Variants in GNA13 observed in about 807,000 individuals in gnomAD.
GNA13 encodes the protein guanine nucleotide-binding protein subunit alpha-13.
A neutral mutation model predicts 33.5 loss-of-function variants in GNA13; 4 were observed. That is an observed-to-expected ratio of 0.12 (90% CI 0.06 to 0.27). The LOEUF (loss-of-function observed/expected upper bound fraction) is 0.27, where lower values mean the gene tolerates loss of function less well. Among genes scored for constraint, GNA13 ranks in the 10% least tolerant of loss-of-function variants. The probability of loss-of-function intolerance (pLI) is 1.00; values close to 1 mark genes in which losing one functional copy is unlikely to be tolerated. For missense variants in GNA13, 319 were observed against 487.2 expected, an observed-to-expected ratio of 0.65 and a Z score of 3.25; for synonymous variants, 176 against 183.8, an observed-to-expected ratio of 0.96 and a Z score of 0.34.
rs1906237663 is a variant in GNA13, at chr17:65,012,700, C to T, written c.*1557G>A. 1 of 228,930 alleles carries T rather than the reference C, an allele frequency of 4.4e-6. No individual in the cohort carries two copies. Among genetic ancestry groups the T allele is most frequent in the Admixed American group, 5.7e-5 (1 of 17,656 alleles). The allele number at this position is 228,930 out of a possible 1,614,324, so 14.2% of individuals were successfully genotyped here. A position where few individuals can be genotyped will look rare whatever the true frequency, so the allele number is the denominator to read the frequency against. ...AACAACAGCCACTGACTTGGAAAGG[C>T]TGGGTGATCCATAACGACCAATCTT... On this transcript the variant is annotated 3_prime_UTR_variant, in exon 4 of 4. Coordinates refer to ENST00000439174, the MANE Select transcript of GNA13 (RefSeq NM_006572.6).
At position 65,056,630 on chromosome 17, in the gene GNA13, G is replaced by A. The variant is rs751910207; in HGVS notation, c.-37C>T. ...CGCCGCCGCCTCGGCGGGCCCCTCC[G>A]GCTCCCTCCACCTCCTCCTCCGGCG... On this transcript the variant is annotated 5_prime_UTR_variant, in exon 1 of 4. Transcript: ENST00000439174. 3.8e-6 allele frequency: 6 copies of A among 1,579,236 alleles called. No individual in the cohort carries two copies. In the African/African-American group the frequency reaches 5.4e-5, roughly 14 times the overall value.
chr17:65,023,444 T>G (rs1008012838), intron 2 of GNA13, among the ~76,000 whole-genome samples: 1 of 152,230 alleles, frequency 6.6e-6, no homozygotes, highest in African/African-American at 2.4e-5. Context: ...GGGATGGAAC[T>G]GATTTCTTTT....
chr17:65,039,088 G>A (rs898013309), intron 2 of GNA13, among the ~76,000 whole-genome samples: 7 of 152,170 alleles, frequency 4.6e-5, no homozygotes, highest in African/African-American at 1.7e-4. Context: ...CCTGTGATTT[G>A]AGTAAATAGC....
intron 2 of GNA13, among the ~76,000 whole-genome samples, chr17:65,045,852 GTTAA>G (rs1286984057): frequency 2.6e-5 from 4 of 152,190 alleles, no homozygotes; most frequent in Non-Finnish European, 5.9e-5. Context: ...ATAGGGGAGT[GTTAA>G]TTATTTGTAT....
chr17:65,032,455 A>C (rs1021564519), intron 2 of GNA13, among the ~76,000 whole-genome samples: 3 of 152,242 alleles, frequency 2.0e-5, no homozygotes, highest in Non-Finnish European at 4.4e-5. Flanking sequence ...GTTTATTCAC[A>C]GCTTTGAAAA....
chr17:65,056,503 A>C lies in GNA13; in HGVS notation c.91T>G (p.Ser31Ala). 1 of 1,613,124 alleles carries C rather than the reference A, an allele frequency of 6.2e-7. No homozygotes were observed. The highest frequency in any genetic ancestry group is 8.5e-7 in the Non-Finnish European group (1 of 1,179,720). Residue 31 changes from serine (S) to alanine (A), a missense_variant, in exon 1 of 4, where the codon TCC (serine) becomes GCC (alanine). Coordinates refer to ENST00000439174, the MANE Select transcript of GNA13 (RefSeq NM_006572.6). ...GACAGGCATTTGTCGATCTCCTTGG[A>C]CTTGCGTTGCTGCTCGGCCTCGCCA... ...TSGEAEQQRK[S>A]KEIDKCLSRE...
In GNA13 at chr17:65,049,045, A is replaced by G. The variant is rs117801895; in HGVS notation, c.510+4457T>C. 7.6e-3 allele frequency among the ~76,000 whole-genome samples: 1,159 copies of G among 152,320 alleles called. 14 individuals are homozygous for G. Among genetic ancestry groups the G allele is most frequent in the Non-Finnish European group, 0.012 (830 of 68,016 alleles). On this transcript the variant is annotated intron_variant, in intron 2 of 3. Coordinates refer to ENST00000439174, the MANE Select transcript of GNA13 (RefSeq NM_006572.6). ...CCACTTCCTAGAAAATTAGGAAACT[A>G]TTATAGAAATAATCCATATTTCCCA...
chr17:65,026,177 G>C (rs1305442827), intron 2 of GNA13, among the ~76,000 whole-genome samples: 1 of 149,318 alleles, frequency 6.7e-6, no homozygotes, highest in South Asian at 2.1e-4. Context: ...CCCAAAATAA[G>C]ACCAAATCAC....
chr17:65,050,496 A>T (rs1270596275), intron 2 of GNA13, among the ~76,000 whole-genome samples: 1 of 152,232 alleles, frequency 6.6e-6, no homozygotes, highest in African/African-American at 2.4e-5. Flanking sequence ...TGGGAAGCCA[A>T]GGCAGGAGGA....
intron 2 of GNA13, among the ~76,000 whole-genome samples, chr17:65,026,907 T>C (rs1457856171): frequency 6.6e-6 from 1 of 152,092 alleles, no homozygotes; most frequent in Non-Finnish European, 1.5e-5. Context: ...GCCTTCCAAG[T>C]AGCTGGGATT....
Position 65,033,400 on chromosome 17 carries a change from T to C in GNA13, c.511-15097A>G, listed in dbSNP as rs112351323. Among the ~76,000 whole-genome samples, 501 of 151,922 alleles carry C rather than the reference T, an allele frequency of 3.3e-3. 4 individuals are homozygous for C. The highest frequency in any genetic ancestry group is 0.01 in the African/African-American group (423 of 41,434). ...CTACTAGGAGGCTGAAGCAGAAGGATTGCCTGAGCCCAGATGTGCAAGGCC... is the reference window on the plus strand; with the variant it reads ...CTACTAGGAGGCTGAAGCAGAAGGACTGCCTGAGCCCAGATGTGCAAGGCC... On this transcript the variant is annotated intron_variant, in intron 2 of 3. Coordinates refer to ENST00000439174, the MANE Select transcript of GNA13 (RefSeq NM_006572.6).
chr17:65,014,361 G>A lies in GNA13; in HGVS notation c.1030C>T (p.His344Tyr). 1 of 1,613,564 alleles carries A rather than the reference G, an allele frequency of 6.2e-7. No individual in the cohort carries two copies. Residue 344 changes from histidine to tyrosine, a missense_variant, in exon 4 of 4, where the codon CAC becomes TAC. By Grantham distance (83) the His-to-Tyr change is moderately conservative. Around this residue, in one of 4 missense-constraint regions of GNA13, gnomAD observed 134 missense variants for 241.3 expected, o/e 0.56. Transcript: ENST00000439174. This position sits in a 1 kb window ranked among gnomAD's most constrained non-coding sequence, Gnocchi z 5.3. ...RRDQQQKPLY[H>Y]HFTTAINTEN... ...GTGTTGATAGCAGTGGTGAAGTGGT[G>A]GTATAAGGGCTTCTGTTGCTGGTCC... is the stretch of plus-strand genomic sequence containing the variant.
At chr17:65,036,403 C>T (rs1266817629) in intron 2 of GNA13, among the ~76,000 whole-genome samples, 1 of 152,200 alleles carries the variant, frequency 6.6e-6, no homozygotes, top group African/African-American at 2.4e-5. Context: ...TGAATCTTGG[C>T]TCTATCACTA....
intron 2 of GNA13, among the ~76,000 whole-genome samples, chr17:65,050,742 A>C (rs903737287): frequency 6.6e-6 from 1 of 152,118 alleles, no homozygotes; most frequent in East Asian, 1.9e-4. Context: ...AAACAAAAAC[A>C]AAAAAACAAA....
At chr17:65,051,544 G>A (rs1422293677) in intron 2 of GNA13, among the ~76,000 whole-genome samples, 2 of 152,184 alleles carry the variant, frequency 1.3e-5, no homozygotes, top group Non-Finnish European at 2.9e-5. Flanking sequence ...GAACCCAGGA[G>A]GCGGAGGTGA....
In GNA13 at chr17:65,013,994, A is replaced by G; in HGVS notation, c.*263T>C. On this transcript the variant is annotated 3_prime_UTR_variant, in exon 4 of 4. Coordinates refer to ENST00000439174, the MANE Select transcript of GNA13 (RefSeq NM_006572.6). ...CCTGAAATATGCCTAGTCTGAGGTC[A>G]GCTGGGAGGTTTTAACTGGACTTGA... is the stretch of plus-strand genomic sequence containing the variant. 1 of 423,228 alleles carries G rather than the reference A, an allele frequency of 2.4e-6. No homozygotes were observed. Among genetic ancestry groups the G allele is most frequent in the Non-Finnish European group, 4.2e-6 (1 of 236,070 alleles). The allele number at this position is 423,228 out of a possible 1,614,324, so 26.2% of individuals were successfully genotyped here. A position where few individuals can be genotyped will look rare whatever the true frequency, so the allele number is the denominator to read the frequency against.
At chr17:65,023,191 G>C (rs2143781787) in intron 2 of GNA13, among the ~76,000 whole-genome samples, 1 of 152,314 alleles carries the variant, frequency 6.6e-6, no homozygotes, top group Non-Finnish European at 1.5e-5. Flanking sequence ...AACAGAAAGG[G>C]GGTCAAACAT....
chr17:65,054,682 C>T (rs1907974805), intron 1 of GNA13, among the ~76,000 whole-genome samples: 1 of 152,158 alleles, frequency 6.6e-6, no homozygotes, highest in South Asian at 2.1e-4. Flanking sequence ...TACATCATCT[C>T]ATAATCAATG....
At chr17:65,031,921 AGTGTGTGTGTGT>A (rs148637639) in intron 2 of GNA13, among the ~76,000 whole-genome samples, 1,080 of 91,306 alleles carry the variant, frequency 0.012, 18 homozygotes, top group African/African-American at 0.051. Context: ...AGAGAGAGAG[AGTGTGTGTGTGT>A]GTGTGTGTGT....
Sources: allele counts gnomAD v4.1 joint callset (sites outside exome capture counted in the v4.1 genomes callset), GRCh38; gene constraint gnomAD v4.1.1; regional missense constraint gnomAD v4.1.1; non-coding constraint Gnocchi (gnomAD v3.1); transcripts MANE v1.5; gene names NCBI Gene and HGNC (gene_info 2026-07-23, HGNC 2026-07-21).